IRS1: variants seen among roughly 807,000 people sequenced by gnomAD.
IRS1 encodes insulin receptor substrate 1.
In IRS1, 34 loss-of-function variants were observed where a neutral mutation model predicts 65.6. That is an observed-to-expected ratio of 0.52 (90% CI 0.39 to 0.69). The LOEUF (loss-of-function observed/expected upper bound fraction) is 0.69. Among genes scored for constraint, IRS1 ranks in the 30% least tolerant of loss-of-function variants. The probability of loss-of-function intolerance (pLI) is 0.00; values close to 1 mark genes in which losing one functional copy is unlikely to be tolerated. For missense variants in IRS1, 1,641 were observed against 1,720.2 expected, an observed-to-expected ratio of 0.95 and a Z score of 0.81; for synonymous variants, 699 against 683.5, an observed-to-expected ratio of 1.02 and a Z score of -0.35.
At position 226,796,663 on chromosome 2, in the gene IRS1, C is replaced by G. The variant is rs573173199; in HGVS notation, c.2076G>C (p.Gly692=). Residue 692 remains glycine (G), a synonymous_variant, in exon 1 of 2, where the codon GGG becomes GGC. Coordinates refer to ENST00000305123, the MANE Select transcript of IRS1 (RefSeq NM_005544.3). ...SSSSSNAVPS[G]TSYGKLWTNG... ...TTGTCCACAGCTTTCCATAGCTGGT[C>G]CCGGAAGGGACGGCGTTGCTGCTGC... is the stretch of plus-strand genomic sequence containing the variant. 1 of 1,613,840 alleles carries G rather than the reference C, an allele frequency of 6.2e-7. No individual in the cohort carries two copies. The highest frequency in any genetic ancestry group is 2.2e-5 in the East Asian group (1 of 44,832).
chr2:226,795,363 C>T lies in IRS1; in HGVS notation c.3376G>A (p.Gly1126Arg). 6.2e-7 allele frequency: 1 copy of T among 1,613,196 alleles called. No homozygotes were observed. The change falls in exon 1 of 2, where the codon GGG becomes AGG. Residue 1126 changes from glycine (G) to arginine (R), a missense_variant. By Grantham distance (125) the Gly-to-Arg change is moderately radical. Coordinates refer to ENST00000305123, the MANE Select transcript of IRS1 (RefSeq NM_005544.3). ...TVPFGAGAAVGGGGGSSSSSE... is the reference protein window; with the variant it reads ...TVPFGAGAAVRGGGGSSSSSE... ...CTGCTGCTGCTACCGCCACCGCCCC[C>T]TACTGCTGCCCCCGCTCCAAAGGGC...
Position 226,795,456 on chromosome 2 carries a change from AC to A in IRS1, c.3282del (p.Cys1095AlafsTer31). 1 of 1,613,424 alleles carries A rather than the reference AC, an allele frequency of 6.2e-7. No individual in the cohort carries two copies. The highest frequency in any genetic ancestry group is 8.5e-7 in the Non-Finnish European group (1 of 1,179,986). On this transcript the variant is annotated frameshift_variant, in exon 1 of 2. Transcript: ENST00000305123. LOFTEE classifies it high-confidence loss of function. ...SAKVIRADPQ[G>X]CRRRHSSETF... The stretch of plus-strand genomic sequence containing the variant: ...GTCTCGGAGCTATGCCTCCGCCGGC[AC>A]CCTTGTGGGTCTGCACGGATCACTT...
intron 1 of IRS1, among the ~76,000 whole-genome samples, chr2:226,778,653 C>A (rs1939322780): frequency 6.6e-6 from 1 of 152,114 alleles, no homozygotes; most frequent in Non-Finnish European, 1.5e-5. Flanking sequence ...TACTACCATC[C>A]AAAGCTGCAA....
chr2:226,753,014 A>C (rs972271865), intron 1 of IRS1, among the ~76,000 whole-genome samples: 1 of 152,242 alleles, frequency 6.6e-6, no homozygotes, highest in Non-Finnish European at 1.5e-5. Context: ...AGGACCATCA[A>C]TTCACTCTAT....
chr2:226,786,948 C>T (rs929020527), intron 1 of IRS1, among the ~76,000 whole-genome samples: 4 of 151,942 alleles, frequency 2.6e-5, no homozygotes, highest in Admixed American at 6.6e-5. Context: ...AAGTGTTGGA[C>T]CTTTTCTTCA....
intron 1 of IRS1, among the ~76,000 whole-genome samples, chr2:226,781,337 A>G (rs1299216030): frequency 6.6e-6 from 1 of 152,188 alleles, no homozygotes; most frequent in Non-Finnish European, 1.5e-5. Flanking sequence ...TTTCCCATCC[A>G]CAAAAAAGGA....
rs561970076 is a variant in IRS1, at chr2:226,758,070, G to A, written c.*22-21820C>T. Reference sequence around the variant, plus strand: ...CTCTGATTTTGAAGGAAAAGAAAATGAGAGAGGCAGAGACAAAAAAATGGA... The same window carrying A: ...CTCTGATTTTGAAGGAAAAGAAAATAAGAGAGGCAGAGACAAAAAAATGGA... On this transcript the variant is annotated intron_variant, in intron 1 of 1. Coordinates refer to ENST00000305123, the MANE Select transcript of IRS1 (RefSeq NM_005544.3). Among the ~76,000 whole-genome samples, 5 of 152,288 alleles carry A rather than the reference G, an allele frequency of 3.3e-5. No homozygotes were observed. The East Asian group carries it at 9.6e-4, about 29-fold the overall frequency.
chr2:226,775,243 A>G (rs909940550), intron 1 of IRS1, among the ~76,000 whole-genome samples: 14 of 152,256 alleles, frequency 9.2e-5, no homozygotes, highest in African/African-American at 2.7e-4. Flanking sequence ...AGGGGAACCT[A>G]TAAGACTAAA....
chr2:226,750,998 A>G (rs1253206336), intron 1 of IRS1, among the ~76,000 whole-genome samples: 1 of 152,192 alleles, frequency 6.6e-6, no homozygotes, highest in Non-Finnish European at 1.5e-5. Flanking sequence ...TTTAATTTCT[A>G]TAAATGAATA....
Position 226,795,083 on chromosome 2 carries a change from G to A in IRS1, c.3656C>T (p.Thr1219Ile), listed in dbSNP as rs200439296. ...QPLGSGESSS[T>I]RRSSEDLSAY... is the part of the protein sequence containing the mutation. ...GCTTAAATCCTCACTTGAGCGGCGG[G>A]TGGAGCTGCTCTCACCGCTGCCCAG... Residue 1219 changes from threonine (T) to isoleucine (I), a missense_variant, in exon 1 of 2, where the codon ACC becomes ATC. Physicochemically the swap from Thr to Ile is moderately conservative, Grantham distance 89. Transcript: ENST00000305123. 4.9e-5 allele frequency: 79 copies of A among 1,610,740 alleles called. No homozygotes were observed. In the African/African-American group the frequency reaches 8.5e-4, roughly 17 times the overall value.
rs2106184347 is a variant in IRS1, at chr2:226,795,119, G to A, written c.3620C>T (p.Pro1207Leu). The A allele has an allele frequency of 6.2e-7, 1 of 1,609,588 alleles. No homozygotes were observed. Reference protein sequence around the residue: ...PEPQPPPPPPPHQPLGSGESS... With the variant: ...PEPQPPPPPPLHQPLGSGESS... ...CTCACCGCTGCCCAGGGGTTGATGA[G>A]GGGGTGGGGGTGGGGGAGGCTGCGG... Residue 1207 changes from proline to leucine, a missense_variant, in exon 1 of 2, where the codon CCT becomes CTT. Coordinates refer to ENST00000305123, the MANE Select transcript of IRS1 (RefSeq NM_005544.3).
At position 226,798,040 on chromosome 2, in the gene IRS1, G is replaced by A; in HGVS notation, c.699C>T (p.Pro233=). Residue 233 remains proline, a synonymous_variant, in exon 1 of 2, where the codon CCC becomes CCT. Coordinates refer to ENST00000305123, the MANE Select transcript of IRS1 (RefSeq NM_005544.3). The surrounding 1 kb of genome is among the most constrained non-coding windows in gnomAD (Gnocchi z 9.4). The stretch of plus-strand genomic sequence containing the variant: ...CATCCACCTGCATCCAGAACTCCCC[G>A]GGCCCCGTCACGGCAGAACGGCCCA... ...IEVGRSAVTG[P]GEFWMQVDDS... is the part of the protein sequence containing the mutation. 1 of 1,614,014 alleles carries A rather than the reference G, an allele frequency of 6.2e-7. No individual in the cohort carries two copies. Among genetic ancestry groups the A allele is most frequent in the Non-Finnish European group, 8.5e-7 (1 of 1,180,018 alleles).
rs543267543 is a variant in IRS1 at position 226,787,508 on chromosome 2, A to G, written c.*21+7481T>C. Among the ~76,000 whole-genome samples the G allele has an allele frequency of 2.0e-5, 3 of 152,248 alleles. No individual in the cohort carries two copies. In the South Asian group the frequency reaches 6.2e-4, roughly 32 times the overall value. On this transcript the variant is annotated intron_variant, in intron 1 of 1. Transcript: ENST00000305123. ...TCCTCTCAGTACCATTTTTCCCTCC[A>G]TTTCCATGAATCTACCTTCATCCCC...
At chr2:226,791,677 G>A (rs1007839418) in intron 1 of IRS1, among the ~76,000 whole-genome samples, 3 of 151,862 alleles carry the variant, frequency 2.0e-5, no homozygotes, top group Admixed American at 1.3e-4. Context: ...GGAGAGCCCC[G>A]CCCCGCGCCC....
In IRS1 at chr2:226,731,559, C is replaced by G. The variant is rs1263735838; in HGVS notation, c.*4713G>C. ...AAAAAATATATACCTGGCCTGGCACCCATTACATATATACATAATACATGT... is the reference window on the plus strand; with the variant it reads ...AAAAAATATATACCTGGCCTGGCACGCATTACATATATACATAATACATGT... On this transcript the variant is annotated 3_prime_UTR_variant, in exon 2 of 2. Transcript: ENST00000305123. 1 of 152,036 alleles carries G rather than the reference C, an allele frequency of 6.6e-6. No individual in the cohort carries two copies. Among genetic ancestry groups the G allele is most frequent in the Non-Finnish European group, 1.5e-5 (1 of 68,030 alleles). 9.4% of individuals were successfully genotyped at this position (152,036 alleles called of 1,614,324 possible). A position where few individuals can be genotyped will look rare whatever the true frequency, so the allele number is the denominator to read the frequency against.
At position 226,734,331 on chromosome 2, in the gene IRS1, T is replaced by C. The variant is rs945707815; in HGVS notation, c.*1941A>G. On this transcript the variant is annotated 3_prime_UTR_variant, in exon 2 of 2. Coordinates refer to ENST00000305123, the MANE Select transcript of IRS1 (RefSeq NM_005544.3). The stretch of plus-strand genomic sequence containing the variant: ...TGGATTCTTATGACTCTAGACCCTA[T>C]TTATCTTAGAAATTGATGAGCATGC... The C allele has an allele frequency of 6.6e-6, 1 of 152,204 alleles. No homozygotes were observed. The highest frequency in any genetic ancestry group is 1.5e-5 in the Non-Finnish European group (1 of 68,044). The allele number at this position is 152,204 out of a possible 1,614,324, so 9.4% of individuals were successfully genotyped here. A position where few individuals can be genotyped will look rare whatever the true frequency, so the allele number is the denominator to read the frequency against.
At chr2:226,757,774 C>T (rs761880360) in intron 1 of IRS1, among the ~76,000 whole-genome samples, 4 of 152,116 alleles carry the variant, frequency 2.6e-5, no homozygotes, top group Non-Finnish European at 5.9e-5. Context: ...AAAATTTTCC[C>T]TCAAAAAGCC....
intron 1 of IRS1, among the ~76,000 whole-genome samples, chr2:226,770,893 T>G (rs1212282426): frequency 6.6e-6 from 1 of 152,140 alleles, no homozygotes; most frequent in African/African-American, 2.4e-5. Flanking sequence ...AACTCGAATA[T>G]TTTTCTCAAT....
At chr2:226,758,853 T>C (rs761007248) in intron 1 of IRS1, among the ~76,000 whole-genome samples, 6 of 152,076 alleles carry the variant, frequency 3.9e-5, no homozygotes, top group Middle Eastern at 3.2e-3. Flanking sequence ...CTTCCTAAAA[T>C]ATCCAAGGAA....
Sources: gnomAD v4.1 joint callset for allele counts (sites outside exome capture counted in the v4.1 genomes callset) on GRCh38, gnomAD v4.1.1 for gene constraint, Gnocchi (gnomAD v3.1) non-coding constraint, MANE v1.5 for transcripts, NCBI Gene and HGNC (gene_info 2026-07-23, HGNC 2026-07-21) for gene names.